The following GALK2 variants were observed in gnomAD, a reference collection of about 807,000 sequenced individuals.
The protein encoded by GALK2 is N-acetylgalactosamine kinase.
Under a neutral mutation model 52.4 loss-of-function variants are expected in GALK2, and 36 were observed. That is an observed-to-expected ratio of 0.69 (90% CI 0.53 to 0.91). The LOEUF (loss-of-function observed/expected upper bound fraction) is 0.91, where lower values mean the gene tolerates loss of function less well. Among genes scored for constraint, GALK2 ranks in the 40% least tolerant of loss-of-function variants. GALK2 has a pLI of 0.00. For synonymous variants in GALK2, 176 were observed against 199.1 expected (o/e 0.88, Z 0.98); for missense variants, 579 against 559.1 (o/e 1.04, Z -0.36).
At chr15:49,208,033 A>G (rs1280748637) in intron 2 of GALK2, among the ~76,000 whole-genome samples, 2 of 152,148 alleles carry the variant, frequency 1.3e-5, no homozygotes, top group African/African-American at 4.8e-5. Context: ...TCAGCCTCCC[A>G]AAGTGCTGGG....
At chr15:49,244,746 G>A (rs963269553) in intron 5 of GALK2, among the ~76,000 whole-genome samples, 4 of 152,050 alleles carry the variant, frequency 2.6e-5, no homozygotes, top group African/African-American at 9.7e-5. Flanking sequence ...TAGAACATAA[G>A]GGGAATTCCA....
At chr15:49,164,401 G>C (rs1340254705) in intron 1 of GALK2, among the ~76,000 whole-genome samples, 1 of 152,038 alleles carries the variant, frequency 6.6e-6, no homozygotes, top group African/African-American at 2.4e-5. Flanking sequence ...CATTGAGGTG[G>C]GCAACATTGG....
intron 5 of GALK2, among the ~76,000 whole-genome samples, chr15:49,252,191 G>C (rs778477770): frequency 6.6e-6 from 1 of 152,066 alleles, no homozygotes; most frequent in Admixed American, 6.6e-5. Context: ...GCTTGAACCC[G>C]GGAGGCAGAG....
chr15:49,161,127 G>A (rs1304804672), intron 1 of GALK2, among the ~76,000 whole-genome samples: 2 of 152,160 alleles, frequency 1.3e-5, no homozygotes, highest in South Asian at 2.1e-4. Context: ...TAAATATATT[G>A]CATAATTTGC....
intron 3 of GALK2, among the ~76,000 whole-genome samples, chr15:49,351,995 T>C (rs1240669258): frequency 1.3e-5 from 2 of 152,236 alleles, no homozygotes; most frequent in South Asian, 4.1e-4. Context: ...GCTAGGCTGT[T>C]CTAAGATGGA....
chr15:49,294,664 C>T (rs1219289388), intron 8 of GALK2, among the ~76,000 whole-genome samples: 1 of 152,118 alleles, frequency 6.6e-6, no homozygotes, highest in Non-Finnish European at 1.5e-5. Flanking sequence ...ATAATCAGGA[C>T]ACAGTCTCTA....
intron 3 of GALK2, among the ~76,000 whole-genome samples, chr15:49,362,944 A>C (rs2044506167): frequency 6.6e-6 from 1 of 151,958 alleles, no homozygotes; most frequent in African/African-American, 2.4e-5. Flanking sequence ...GGTGTGCAGC[A>C]TTATTTCTGA....
At chr15:49,221,073 G>A (rs955348200) in intron 3 of GALK2, among the ~76,000 whole-genome samples, 1 of 152,100 alleles carries the variant, frequency 6.6e-6, no homozygotes, top group African/African-American at 2.4e-5. Context: ...GTGGGCAGAA[G>A]CTTTTTAGTT....
At chr15:49,190,778 C>T (rs1046962401) in intron 1 of GALK2, among the ~76,000 whole-genome samples, 2 of 152,142 alleles carry the variant, frequency 1.3e-5, no homozygotes, top group African/African-American at 2.4e-5. Flanking sequence ...AAACTGTGTT[C>T]GAATAAGGCA....
Position 49,330,185 on chromosome 15 carries a change from T to C in GALK2, c.*2026T>C, listed in dbSNP as rs1244536430. 1 of 152,146 alleles carries C rather than the reference T, an allele frequency of 6.6e-6. No individual in the cohort carries two copies. The highest frequency in any genetic ancestry group is 1.5e-5 in the Non-Finnish European group (1 of 68,062). The allele number at this position is 152,146 out of a possible 1,614,324, so 9.4% of individuals were successfully genotyped here. ...ACTGCAGATGAGCAAAGCCTATGGG[T>C]ATAGGCAAACATGGTGTGTGTAGGA... On this transcript the variant is annotated 3_prime_UTR_variant, in exon 10 of 10. Transcript: ENST00000560031.
intron 2 of GALK2, 90 bp from the exon 3 acceptor site, chr15:49,217,100 A>G: frequency 9.1e-7 from 1 of 1,100,186 alleles, no homozygotes; most frequent in Non-Finnish European, 1.3e-6. Flanking sequence ...AACCTGGCTC[A>G]TGGTCAGTTT....
intron 1 of GALK2, among the ~76,000 whole-genome samples, chr15:49,188,756 G>A (rs748399606): frequency 5.9e-5 from 9 of 152,162 alleles, no homozygotes; most frequent in Middle Eastern, 3.2e-3. Context: ...TTGAGATTAA[G>A]TTGAGGACCT....
chr15:49,354,979 C>G (rs970436903), intron 3 of GALK2, among the ~76,000 whole-genome samples: 3 of 151,886 alleles, frequency 2.0e-5, no homozygotes, highest in South Asian at 2.1e-4. Flanking sequence ...AGCAGGGGCA[C>G]ACTGACACCT....
intron 8 of GALK2, among the ~76,000 whole-genome samples, chr15:49,307,860 A>C (rs1196989417): frequency 1.3e-5 from 2 of 152,198 alleles, no homozygotes; most frequent in Non-Finnish European, 2.9e-5. Flanking sequence ...TTTTATGTTG[A>C]AAGTGCATTT....
intron 1 of GALK2, among the ~76,000 whole-genome samples, chr15:49,174,720 TTATTC>T (rs1433673704): frequency 4.9e-4 from 74 of 152,168 alleles, no homozygotes; most frequent in Admixed American, 2.5e-3. Flanking sequence ...TAGAAACCAT[TTATTC>T]TATATATATT....
At chr15:49,251,726 C>T (rs2091610831) in intron 5 of GALK2, among the ~76,000 whole-genome samples, 2 of 152,088 alleles carry the variant, frequency 1.3e-5, no homozygotes, top group African/African-American at 4.8e-5. Flanking sequence ...ATTTCTTAAC[C>T]TTGATGGTGG....
upstream of GALK2, chr15:49,170,010 C>A (rs2141166629): frequency 3.1e-6 from 1 of 327,492 alleles, no homozygotes; most frequent in East Asian, 5.6e-5. Context: ...AAAAAGAAAA[C>A]CTCACTAGTC....
chr15:49,234,561 G>A (rs577493667), intron 3 of GALK2, among the ~76,000 whole-genome samples: 70 of 152,200 alleles, frequency 4.6e-4, no homozygotes, highest in African/African-American at 1.7e-3. Context: ...CATGGCAGCG[G>A]GCAAAGAGAG....
intron 5 of GALK2, among the ~76,000 whole-genome samples, chr15:49,240,377 T>A (rs1224468012): frequency 2.0e-5 from 3 of 152,234 alleles, no homozygotes; most frequent in Admixed American, 6.5e-5. Context: ...ATTATTTATT[T>A]AATGGCTATT....
Sources: allele counts gnomAD v4.1 joint callset (sites outside exome capture counted in the v4.1 genomes callset), GRCh38; gene constraint gnomAD v4.1.1; transcripts MANE v1.5; gene names NCBI Gene and HGNC (gene_info 2026-07-23, HGNC 2026-07-21).